The following THBS4 variants were observed in gnomAD, a reference collection of about 807,000 sequenced individuals.
THBS4 encodes the protein thrombospondin 4, also known as thrombospondin-4.
A neutral mutation model predicts 115.7 loss-of-function variants in THBS4; 90 were observed. That is an observed-to-expected ratio of 0.78 (90% CI 0.66 to 0.93). The LOEUF is 0.93. THBS4 is among the 40% of genes least tolerant of loss of function. The probability of loss-of-function intolerance (pLI) is 0.00; values close to 1 mark genes in which losing one functional copy is unlikely to be tolerated. For synonymous variants in THBS4, 460 were observed against 479.3 expected, an observed-to-expected ratio of 0.96 and a Z score of 0.53; for missense variants, 1,087 against 1,232.7, an observed-to-expected ratio of 0.88 and a Z score of 1.77.
chr5:80,033,196 A>G (rs1365882142), upstream of THBS4: 2 of 458,768 alleles, frequency 4.4e-6, no homozygotes, highest in African/African-American at 2.1e-5. Flanking sequence ...ATTCAGCAGC[A>G]TGTTGGGGAT....
chr5:80,070,389 C>A lies in THBS4; in HGVS notation c.1431C>A (p.Cys477Ter). 6.2e-7 allele frequency: 1 copy of A among 1,613,968 alleles called. No individual in the cohort carries two copies. The highest frequency in any genetic ancestry group is 2.2e-5 in the East Asian group (1 of 44,870). Residue 477 changes from cysteine (C) to a stop codon, truncating the protein, a stop_gained, in exon 11 of 22, where the codon TGC becomes TGA. Transcript: ENST00000350881. LOFTEE classifies it high-confidence loss of function. ...GTTACCCCGACGAAGAACTGCCATG[C>A]TCTGCCAGGAACTGTAAAAAGGTAA... ...IDSYPDEELPCSARNCKKDNC... is the reference protein window; with the variant it reads ...IDSYPDEELP
At chr5:80,077,790 T>G (rs978650211) in intron 16 of THBS4, among the ~76,000 whole-genome samples, 6 of 151,934 alleles carry the variant, frequency 3.9e-5, no homozygotes, top group African/African-American at 1.2e-4. Flanking sequence ...GAGGACAGAG[T>G]GGAGGGCAAC....
At chr5:80,064,605 C>T (rs772485397) in intron 8 of THBS4, among the ~76,000 whole-genome samples, 16 of 152,100 alleles carry the variant, frequency 1.1e-4, no homozygotes, top group South Asian at 2.1e-4. Flanking sequence ...ATGGTGCATG[C>T]CTGTGGTCCC....
chr5:80,060,060 G>T (rs547538871), intron 7 of THBS4, among the ~76,000 whole-genome samples, 155 bp downstream of exon 7: 2 of 152,184 alleles, frequency 1.3e-5, no homozygotes, highest in Admixed American at 1.3e-4. Context: ...GACAAGGGAT[G>T]GCGGAAGGAG....
upstream of THBS4, chr5:80,033,388 T>G (rs1307745507): frequency 6.1e-6 from 1 of 163,478 alleles, no homozygotes; most frequent in Non-Finnish European, 1.4e-5. Context: ...GTAGAAGAAC[T>G]GAGATGTCAA....
At chr5:80,040,868 A>C (rs186409631) in intron 2 of THBS4, among the ~76,000 whole-genome samples, 92 of 152,358 alleles carry the variant, frequency 6.0e-4, no homozygotes, top group South Asian at 2.1e-3. Context: ...GGAGAAGGTC[A>C]AAGAGGGAGC....
intron 14 of THBS4, 108 bp downstream of exon 14, chr5:80,072,504 T>C: frequency 1.0e-6 from 1 of 980,900 alleles, no homozygotes; most frequent in South Asian, 1.5e-5. Flanking sequence ...CTGTTGCCAC[T>C]TACCTAACAA....
intron 20 of THBS4, among the ~76,000 whole-genome samples, chr5:80,081,216 A>G (rs1463825857): frequency 1.3e-5 from 2 of 152,098 alleles, no homozygotes; most frequent in African/African-American, 2.4e-5. Context: ...GGGCAAATTC[A>G]TGTTTTGTTT....
At chr5:80,013,082 G>T (rs760994902) in intron 2 of THBS4, among the ~76,000 whole-genome samples, 3 of 152,114 alleles carry the variant, frequency 2.0e-5, no homozygotes, top group Non-Finnish European at 4.4e-5. Flanking sequence ...GCAAGTTTCT[G>T]CCCTCTCCCG....
chr5:80,070,903 C>T, intron 12 of THBS4, 118 bp from the exon 13 acceptor site: 3 of 1,579,070 alleles, frequency 1.9e-6, no homozygotes, highest in South Asian at 2.3e-5. Flanking sequence ...ATAAGATTCA[C>T]AGATGTTTGA....
At chr5:80,071,207 A>C in intron 13 of THBS4, 27 bp downstream of exon 13, 1 of 1,558,392 alleles carries the variant, frequency 6.4e-7, no homozygotes, top group Non-Finnish European at 8.6e-7. Flanking sequence ...TTTGTCTTTT[A>C]TTTGGAATTC....
chr5:80,009,186 GTC>G (rs1298706226), intron 2 of THBS4, among the ~76,000 whole-genome samples: 4 of 152,322 alleles, frequency 2.6e-5, no homozygotes, highest in African/African-American at 9.6e-5. Flanking sequence ...TTAGTACAGA[GTC>G]TGCTGATTTC....
At position 80,040,275 on chromosome 5, in the gene THBS4, A is replaced by G; in HGVS notation, c.287A>G (p.Asn96Ser). The change falls in exon 2 of 22, where the codon AAC (asparagine) becomes AGC (serine). Residue 96 changes from asparagine to serine, a missense_variant. Physicochemically the swap from Asn to Ser is conservative, Grantham distance 46. Around this residue, in one of 3 missense-constraint regions of THBS4, gnomAD observed 979 missense variants for 1,103.7 expected, o/e 0.89. Transcript: ENST00000350881. ...YFEFTVMGRL[N>S]KAILRYLKND... ...GAATTTACTGTGATGGGACGCTTAA[A>G]CAAAGGTAAGCAAATTTGCTGAAAT... 1 of 1,612,338 alleles carries G rather than the reference A, an allele frequency of 6.2e-7. No homozygotes were observed. Among genetic ancestry groups the G allele is most frequent in the South Asian group, 1.1e-5 (1 of 90,836 alleles).
chr5:80,023,058 TAAAG>T (rs907579551), intron 2 of THBS4, among the ~76,000 whole-genome samples: 1 of 151,746 alleles, frequency 6.6e-6, no homozygotes, highest in East Asian at 1.9e-4. Flanking sequence ...TAAAGAAAAA[TAAAG>T]AAAAAGGTAA....
intron 9 of THBS4, chr5:80,066,987 G>A (rs954525793): frequency 1.3e-5 from 2 of 152,178 alleles, no homozygotes; most frequent in African/African-American, 4.8e-5. Flanking sequence ...AAGAGGTTGT[G>A]AGTGACTTAA....
rs59301311 is a variant in THBS4 at position 80,082,624 on chromosome 5, T to TCCC, written c.2824+84_2824+86dup. The TCCC allele has an allele frequency of 3.9e-6, 6 of 1,550,398 alleles. No individual in the cohort carries two copies. The African/African-American group carries it at 6.8e-5, about 18-fold the overall frequency. ...TGCCACCTTATTTTTATACCGCACTTCCCCCCCAAAAGCCCAACGCTCATA... is the reference window on the plus strand; with the variant it reads ...TGCCACCTTATTTTTATACCGCACTTCCCCCCCCCCAAAAGCCCAACGCTCATA... On this transcript the variant is annotated intron_variant, in intron 21 of 21. Transcript: ENST00000350881.
At chr5:80,071,416 T>G in intron 13 of THBS4, among the ~76,000 whole-genome samples, 1 of 152,046 alleles carries the variant, frequency 6.6e-6, no homozygotes, top group East Asian at 1.9e-4. Context: ...TGCCAGAAAC[T>G]TTGTATGACC....
chr5:80,062,955 T>C (rs1266687523), intron 8 of THBS4, among the ~76,000 whole-genome samples: 1 of 152,262 alleles, frequency 6.6e-6, no homozygotes, highest in East Asian at 1.9e-4. Context: ...TTGGGTTGGT[T>C]CCAAGTCTTT....
At chr5:80,054,478 G>A (rs1038349545) in intron 2 of THBS4, among the ~76,000 whole-genome samples, 2 of 151,952 alleles carry the variant, frequency 1.3e-5, no homozygotes, top group Admixed American at 6.6e-5. Context: ...ACACCACCAT[G>A]CCTGGCTAAT....
Sources: allele counts gnomAD v4.1 joint callset (sites outside exome capture counted in the v4.1 genomes callset), GRCh38; gene constraint gnomAD v4.1.1; regional missense constraint gnomAD v4.1.1; transcripts MANE v1.5; gene names NCBI Gene and HGNC (gene_info 2026-07-23, HGNC 2026-07-21).